The following RREB1 variants were observed in gnomAD, a reference collection of about 807,000 sequenced individuals.
RREB1 encodes ras responsive element binding protein 1.
RREB1 carries 27 observed loss-of-function variants against 117.8 expected under a neutral mutation model. That is an observed-to-expected ratio of 0.23 (90% CI 0.17 to 0.32). The LOEUF (loss-of-function observed/expected upper bound fraction) is 0.32, where lower values mean the gene tolerates loss of function less well. RREB1 is among the 10% of genes least tolerant of loss of function. RREB1 has a pLI of 1.00. For synonymous variants in RREB1, 1,298 were observed against 1,026.7 expected, an observed-to-expected ratio of 1.26 and a Z score of -5.05; for missense variants, 2,577 against 2,378.2, an observed-to-expected ratio of 1.08 and a Z score of -1.74.
At chr6:7,179,839 T>C (rs1581498804) in intron 2 of RREB1, among the ~76,000 whole-genome samples, 2 of 152,000 alleles carry the variant, frequency 1.3e-5, no homozygotes, top group East Asian at 3.9e-4. Flanking sequence ...TTTGTAGAGA[T>C]AGGGTCTTGC....
Position 7,251,489 on chromosome 6 carries a change from C to CTTTTTT in RREB1, c.*2538_*2543dup, listed in dbSNP as rs34678863. The CTTTTTT allele has an allele frequency of 3.3e-5, 4 of 121,352 alleles. No homozygotes were observed. Among genetic ancestry groups the CTTTTTT allele is most frequent in the Non-Finnish European group, 3.4e-5 (2 of 58,338 alleles). 7.5% of individuals were successfully genotyped at this position (121,352 alleles called of 1,614,324 possible). On this transcript the variant is annotated 3_prime_UTR_variant, in exon 13 of 13. Transcript: ENST00000379938. ...GTTTTTTGAGGTGCAAGTTTTTTCT[C>CTTTTTT]TTTTTTTTTTTTTTTTTTTTTTCTC... is the stretch of plus-strand genomic sequence containing the variant.
chr6:7,230,114 AG>A lies in RREB1; in HGVS notation c.2016del (p.Gln672HisfsTer66). ...TCCCACCTGGGCATCTCGCCATACC[AG>A]TGCAACATCTGCGACTACATCGCCG... ...VRSHLGISPY[Q>X]CNICDYIAAD... On this transcript the variant is annotated frameshift_variant, in exon 10 of 13. Coordinates refer to ENST00000379938, the MANE Select transcript of RREB1 (RefSeq NM_001003699.4). LOFTEE classifies it high-confidence loss of function. 1 of 1,604,096 alleles carries A rather than the reference AG, an allele frequency of 6.2e-7. No homozygotes were observed. The highest frequency in any genetic ancestry group is 1.3e-5 in the African/African-American group (1 of 74,928).
At chr6:7,239,200 TTG>T (rs1768528438) in intron 10 of RREB1, among the ~76,000 whole-genome samples, 1 of 152,214 alleles carries the variant, frequency 6.6e-6, no homozygotes, top group Non-Finnish European at 1.5e-5. Flanking sequence ...CTGTGTTTAA[TTG>T]TGGCAATCCT....
chr6:7,113,753 C>G (rs1481540061), intron 1 of RREB1, among the ~76,000 whole-genome samples: 1 of 152,132 alleles, frequency 6.6e-6, no homozygotes, highest in Non-Finnish European at 1.5e-5. Flanking sequence ...AAGACCAGAT[C>G]CTTTTCAAAA....
At chr6:7,209,233 A>G (rs146170891) in intron 6 of RREB1, among the ~76,000 whole-genome samples, 20 of 152,328 alleles carry the variant, frequency 1.3e-4, no homozygotes, top group African/African-American at 4.8e-4. Flanking sequence ...TCTCATATCA[A>G]CTGTAGAAAA....
chr6:7,138,289 T>C (rs549026378), intron 1 of RREB1, among the ~76,000 whole-genome samples: 1 of 152,312 alleles, frequency 6.6e-6, no homozygotes, highest in South Asian at 2.1e-4. Context: ...AATAATTCAG[T>C]TGGGCCCAGC....
intron 6 of RREB1, among the ~76,000 whole-genome samples, chr6:7,204,383 C>T (rs1424233652): frequency 6.8e-6 from 1 of 146,846 alleles, no homozygotes; most frequent in East Asian, 2.2e-4. Flanking sequence ...CAAGCATCAT[C>T]CACAGCCCTC....
chr6:7,126,405 A>G (rs1278020488), intron 1 of RREB1, among the ~76,000 whole-genome samples: 1 of 151,970 alleles, frequency 6.6e-6, no homozygotes, highest in Non-Finnish European at 1.5e-5. Flanking sequence ...AGTAGCTGTG[A>G]TTACAGGCAC....
rs1769079512 is a variant in RREB1, at chr6:7,246,762, G to A, written c.4312G>A (p.Ala1438Thr). Residue 1438 changes from alanine (A) to threonine (T), a missense_variant, in exon 12 of 13, where the codon GCC becomes ACC. Transcript: ENST00000379938. ...GGCGGAGGGCGACGGCGAGGCAGGC[G>A]CCGGGGGCGCGGCCTCGCAGGAGCA... ...KLAEGDGEAGAGGAASQEQKL... is the reference protein window; with the variant it reads ...KLAEGDGEAGTGGAASQEQKL... 1.9e-6 allele frequency: 3 copies of A among 1,560,772 alleles called. No homozygotes were observed. Among genetic ancestry groups the A allele is most frequent in the Admixed American group, 3.9e-5 (2 of 51,718 alleles).
At position 7,229,733 on chromosome 6, in the gene RREB1, C is replaced by G. The variant is rs371155121; in HGVS notation, c.1634C>G (p.Pro545Arg). ...TGTATCAGCCCCAGCCTGCCGCCAC[C>G]GCCCCTGAAGCTCCTCAAAGGCTCA... ...PGCISPSLPP[P>R]PLKLLKGSVE... The change falls in exon 10 of 13, where the codon CCG becomes CGG. Residue 545 changes from proline (P) to arginine (R), a missense_variant. Transcript: ENST00000379938. The surrounding 1 kb of genome is among the most constrained non-coding windows in gnomAD (Gnocchi z 4.5). 6 of 1,600,466 alleles carry G rather than the reference C, an allele frequency of 3.7e-6. No individual in the cohort carries two copies. In the African/African-American group the frequency reaches 6.7e-5, roughly 18 times the overall value.
chr6:7,232,869 G>A (rs1768088435), intron 10 of RREB1, among the ~76,000 whole-genome samples: 1 of 151,428 alleles, frequency 6.6e-6, no homozygotes, highest in African/African-American at 2.4e-5. Context: ...GGGATCACAG[G>A]CATGAGCCCC....
chr6:7,211,671 G>A lies in RREB1; in HGVS notation c.669G>A (p.Leu223=), dbSNP rs755910464. The A allele has an allele frequency of 6.2e-7, 1 of 1,614,042 alleles. No homozygotes were observed. Among genetic ancestry groups the A allele is most frequent in the East Asian group, 2.2e-5 (1 of 44,880 alleles). The change falls in exon 8 of 13, where the codon CTG becomes CTA. Residue 223 remains leucine (L), a synonymous_variant. Transcript: ENST00000379938. ...CFKEFVCKYG[L]ETHMETHSDN... ...AGGAGTTTGTTTGCAAGTATGGACT[G>A]GAGACCCACATGGAGACCCATTCAG...
chr6:7,172,367 T>A (rs1189055890), intron 1 of RREB1, among the ~76,000 whole-genome samples: 1 of 151,998 alleles, frequency 6.6e-6, no homozygotes, highest in African/African-American at 2.4e-5. Context: ...TCTGCACTTT[T>A]GTCTTGAATG....
In RREB1 at chr6:7,248,539, C is replaced by T. The variant is rs1769248737; in HGVS notation, c.4800C>T (p.Cys1600=). The T allele has an allele frequency of 1.9e-6, 3 of 1,614,236 alleles. No homozygotes were observed. Among genetic ancestry groups the T allele is most frequent in the Non-Finnish European group, 2.5e-6 (3 of 1,180,032 alleles). ...TGERPYKCQT[C]ERTFTLKHSL... ...AAAGGCCATACAAATGTCAGACCTGCGAGCGAACCTTCACCTTGAAGCACA... is the reference window on the plus strand; with the variant it reads ...AAAGGCCATACAAATGTCAGACCTGTGAGCGAACCTTCACCTTGAAGCACA... Residue 1600 remains cysteine (C), a synonymous_variant, in exon 13 of 13, where the codon TGC becomes TGT. Transcript: ENST00000379938.
At chr6:7,165,188 T>C (rs1763867480) in intron 1 of RREB1, among the ~76,000 whole-genome samples, 1 of 152,194 alleles carries the variant, frequency 6.6e-6, no homozygotes, top group Non-Finnish European at 1.5e-5. Context: ...CAAGAGGCTC[T>C]GGAGGCAAAT....
chr6:7,177,791 C>T (rs1764581172), intron 2 of RREB1, among the ~76,000 whole-genome samples: 1 of 152,156 alleles, frequency 6.6e-6, no homozygotes, highest in Admixed American at 6.5e-5. Context: ...GGGGCTATCT[C>T]AGCTCACTGC....
At chr6:7,169,517 C>G (rs1355914689) in intron 1 of RREB1, among the ~76,000 whole-genome samples, 2 of 152,212 alleles carry the variant, frequency 1.3e-5, no homozygotes, top group Admixed American at 6.5e-5. Context: ...GCCAGGGACT[C>G]AACTCTTCCC....
chr6:7,236,885 A>AG (rs1768361599), intron 10 of RREB1, among the ~76,000 whole-genome samples: 3 of 72,780 alleles, frequency 4.1e-5, no homozygotes, highest in African/African-American at 1.7e-4. Flanking sequence ...TTGTTTTTGG[A>AG]GGTTTTTTTT....
At chr6:7,129,338 C>A (rs1038608225) in intron 1 of RREB1, among the ~76,000 whole-genome samples, 3 of 152,206 alleles carry the variant, frequency 2.0e-5, no homozygotes, top group Non-Finnish European at 1.5e-5. Flanking sequence ...GAAGGTGGGG[C>A]AGGATTTGAC....
Sources: gnomAD v4.1 joint callset for allele counts (sites outside exome capture counted in the v4.1 genomes callset) on GRCh38, gnomAD v4.1.1 for gene constraint, Gnocchi (gnomAD v3.1) non-coding constraint, MANE v1.5 for transcripts, NCBI Gene and HGNC (gene_info 2026-07-23, HGNC 2026-07-21) for gene names.